MYCBP2: variants seen among roughly 807,000 people sequenced by gnomAD.
The protein encoded by MYCBP2 is MYC binding protein 2, also known as E3 ubiquitin-protein ligase MYCBP2.
Under a neutral mutation model 525.3 loss-of-function variants are expected in MYCBP2, and 120 were observed. The observed-to-expected ratio is 0.23, with a 90% CI of 0.20 to 0.27. The LOEUF is 0.27. MYCBP2 is among the 10% of genes least tolerant of loss of function. The pLI is 1.00. For synonymous variants in MYCBP2, 1,894 were observed against 1,955.8 expected (o/e 0.97, Z 0.83); for missense variants, 4,149 against 5,657.1 (o/e 0.73, Z 8.55).
chr13:77,093,238 T>C lies in MYCBP2; in HGVS notation c.10294A>G (p.Ile3432Val), dbSNP rs1285502898. Residue 3432 changes from isoleucine to valine, a missense_variant, in exon 59 of 83, where the codon ATA becomes GTA. Physicochemically the swap from Ile to Val is conservative, Grantham distance 29. This residue lies in a region of MYCBP2 where 509 missense variants were observed against 789.4 expected (regional missense o/e 0.64). Coordinates refer to ENST00000544440, the MANE Select transcript of MYCBP2 (RefSeq NM_015057.5). ...GGACTTGCATCAGGAGTTACTGATA[T>C]ATACGGGGCAGGTACAGATGTTGAA... is the stretch of plus-strand genomic sequence containing the variant. Reference protein sequence around the residue: ...LRSTSVPAPYISVTPDASPNV... With the variant: ...LRSTSVPAPYVSVTPDASPNV... 6.2e-7 allele frequency: 1 copy of C among 1,613,426 alleles called. No individual in the cohort carries two copies. The highest frequency in any genetic ancestry group is 2.2e-5 in the East Asian group (1 of 44,846).
At chr13:77,283,048 G>A (rs569766008) in intron 3 of MYCBP2, among the ~76,000 whole-genome samples, 15 of 152,002 alleles carry the variant, frequency 9.9e-5, no homozygotes, top group South Asian at 4.2e-4. Flanking sequence ...CTTACTAACC[G>A]GAGTACAAAG....
chr13:77,320,638 A>T (rs189466046), intron 1 of MYCBP2, among the ~76,000 whole-genome samples: 2 of 152,292 alleles, frequency 1.3e-5, no homozygotes, highest in East Asian at 3.9e-4. Flanking sequence ...TGGAAAAAGC[A>T]TACATTTACA....
At chr13:77,057,834 CTTTTTTTTT>C (rs11419165) in intron 78 of MYCBP2, among the ~76,000 whole-genome samples, 2 of 121,110 alleles carry the variant, frequency 1.7e-5, no homozygotes, top group South Asian at 5.0e-4. Context: ...CAATCAACTG[CTTTTTTTTT>C]TTTTTTTTTT....
At chr13:77,226,579 A>C (rs972025990) in intron 18 of MYCBP2, among the ~76,000 whole-genome samples, 3 of 152,218 alleles carry the variant, frequency 2.0e-5, no homozygotes, top group Non-Finnish European at 1.5e-5. Context: ...TATTATATGA[A>C]GATACATATG....
chr13:77,280,342 A>G (rs963395071), intron 3 of MYCBP2, among the ~76,000 whole-genome samples: 2 of 152,238 alleles, frequency 1.3e-5, no homozygotes, highest in South Asian at 4.1e-4. Context: ...CACATTTGAT[A>G]TAGTTTCTTT....
intron 16 of MYCBP2, 125 bp downstream of exon 16, chr13:77,243,681 C>A: frequency 1.4e-6 from 1 of 740,434 alleles, no homozygotes; most frequent in Non-Finnish European, 2.0e-6. Context: ...ACCGTAAAAG[C>A]AGTATTGCAT....
intron 57 of MYCBP2, 110 bp downstream of exon 57, chr13:77,096,202 C>T: frequency 9.0e-7 from 1 of 1,108,024 alleles, no homozygotes; most frequent in Non-Finnish European, 1.2e-6. Context: ...AAAAGCTGAT[C>T]TTTTAATATC....
At position 77,326,564 on chromosome 13, in the gene MYCBP2, C is replaced by T. The variant is rs772113400; in HGVS notation, c.212G>A (p.Arg71Gln). The change falls in exon 1 of 83, where the codon CGG (arginine) becomes CAG (glutamine). Residue 71 changes from arginine to glutamine, a missense_variant. By Grantham distance (43) the Arg-to-Gln change is conservative. Transcript: ENST00000544440. The surrounding 1 kb of genome is among the most constrained non-coding windows in gnomAD (Gnocchi z 4.2). ...CCTCCGGTAGCGGTCGGCCAGGGCC[C>T]GGCCTGACAGCAGCAGCTGGTAGTG... ...RGHYQLLLSG[R>Q]ALADRYRRIY... 1.9e-6 allele frequency: 3 copies of T among 1,598,402 alleles called. No homozygotes were observed. Among genetic ancestry groups the T allele is most frequent in the East Asian group, 4.7e-5 (2 of 42,328 alleles).
chr13:77,174,619 G>A (rs2059437526), intron 36 of MYCBP2, 130 bp from the exon 37 acceptor site: 4 of 686,672 alleles, frequency 5.8e-6, no homozygotes, highest in South Asian at 2.2e-5. Context: ...AATTAAATAA[G>A]TTTTTAATGA....
intron 1 of MYCBP2, among the ~76,000 whole-genome samples, chr13:77,301,742 TAGTCAGACTC>T (rs2078836475): frequency 6.6e-6 from 1 of 152,106 alleles, no homozygotes; most frequent in South Asian, 2.1e-4. Context: ...ACCAGAAAAT[TAGTCAGACTC>T]ACAGAAAACC....
chr13:77,221,569 T>A (rs778641821), intron 20 of MYCBP2, among the ~76,000 whole-genome samples: 28 of 152,134 alleles, frequency 1.8e-4, no homozygotes, highest in Non-Finnish European at 3.7e-4. Context: ...GAAATACTAT[T>A]TGCCAATTAT....
At chr13:77,145,671 T>A (rs2055416446) in intron 48 of MYCBP2, among the ~76,000 whole-genome samples, 1 of 152,124 alleles carries the variant, frequency 6.6e-6, no homozygotes, top group Non-Finnish European at 1.5e-5. Flanking sequence ...CAAGTTTCTA[T>A]TTTAAGTAGT....
At chr13:77,202,363 A>G (rs995271356) in intron 26 of MYCBP2, among the ~76,000 whole-genome samples, 1 of 152,244 alleles carries the variant, frequency 6.6e-6, no homozygotes, top group Non-Finnish European at 1.5e-5. Flanking sequence ...GAATCTCTGA[A>G]TAGACCAATA....
chr13:77,093,352 A>G lies in MYCBP2; in HGVS notation c.10200-20T>C, dbSNP rs957977561. 5 of 1,609,940 alleles carry G rather than the reference A, an allele frequency of 3.1e-6. No homozygotes were observed. The highest frequency in any genetic ancestry group is 2.7e-5 in the African/African-American group (2 of 74,796). ...TGATGCCTGCATTAAATCAAACCCA[A>G]TAACTTAAAGCATGATGGCAATACA... is the stretch of plus-strand genomic sequence containing the variant. On this transcript the variant is annotated intron_variant, in intron 58 of 82. Transcript: ENST00000544440.
chr13:77,071,264 T>TGCACAC (rs1297166476), intron 68 of MYCBP2, among the ~76,000 whole-genome samples: 1 of 101,510 alleles, frequency 9.9e-6, no homozygotes, highest in Non-Finnish European at 2.2e-5. Flanking sequence ...TGCACGTGTG[T>TGCACAC]GCACACGCAC....
At position 77,064,718 on chromosome 13, in the gene MYCBP2, G is replaced by C. The variant is rs756098471; in HGVS notation, c.12569C>G (p.Ala4190Gly). The change falls in exon 73 of 83, where the codon GCT (alanine) becomes GGT (glycine). Residue 4190 changes from alanine (A) to glycine (G), a missense_variant. By Grantham distance (60) the Ala-to-Gly change is moderately conservative (BLOSUM62 0). Around this residue, in one of 21 missense-constraint regions of MYCBP2, gnomAD observed 148 missense variants for 179.4 expected, o/e 0.82. Coordinates refer to ENST00000544440, the MANE Select transcript of MYCBP2 (RefSeq NM_015057.5). ...AGCATTTTTTGTCACTCGGGACCAA[G>C]CTTCTGACAGATGACCCTATTGAGC... ...KDMAAGHLSEAWSRVTKNAIA... is the reference protein window; with the variant it reads ...KDMAAGHLSEGWSRVTKNAIA... The C allele has an allele frequency of 1.9e-6, 3 of 1,613,770 alleles. No individual in the cohort carries two copies. The highest frequency in any genetic ancestry group is 1.7e-5 in the Admixed American group (1 of 60,010).
intron 43 of MYCBP2, among the ~76,000 whole-genome samples, chr13:77,163,951 G>A (rs2058240392): frequency 6.6e-6 from 1 of 152,062 alleles, no homozygotes. Flanking sequence ...GTGCATCTTT[G>A]AAATTTTGAT....
intron 69 of MYCBP2, among the ~76,000 whole-genome samples, chr13:77,069,376 A>G (rs1450081878): frequency 6.6e-6 from 1 of 152,194 alleles, no homozygotes; most frequent in East Asian, 1.9e-4. Context: ...TAATCCCAGC[A>G]ATTTGGGAGG....
At chr13:77,289,976 A>C (rs529786712) in intron 2 of MYCBP2, among the ~76,000 whole-genome samples, 1 of 152,308 alleles carries the variant, frequency 6.6e-6, no homozygotes, top group South Asian at 2.1e-4. Context: ...CCACATATCC[A>C]ACAAAGGATG....
Sources: allele counts gnomAD v4.1 joint callset (sites outside exome capture counted in the v4.1 genomes callset), GRCh38; gene constraint gnomAD v4.1.1; regional missense constraint gnomAD v4.1.1; non-coding constraint Gnocchi (gnomAD v3.1); transcripts MANE v1.5; gene names NCBI Gene and HGNC (gene_info 2026-07-23, HGNC 2026-07-21).